PSMC2: variants seen among roughly 807,000 people sequenced by gnomAD.
PSMC2 encodes 26S proteasome regulatory subunit 7.
A neutral mutation model predicts 53.3 loss-of-function variants in PSMC2; 7 were observed. The observed-to-expected ratio is 0.13, with a 90% CI of 0.07 to 0.25. PSMC2 has a LOEUF of 0.25. Ranked by LOEUF, PSMC2 falls within the 10% of genes least tolerant of loss-of-function variation. PSMC2 has a pLI of 1.00. For synonymous variants in PSMC2, 169 were observed against 183.9 expected (o/e 0.92, Z 0.66); for missense variants, 241 against 544.0 (o/e 0.44, Z 5.54).
chr7:103,357,830 G>C (rs1820128206), intron 4 of PSMC2, among the ~76,000 whole-genome samples: 1 of 152,040 alleles, frequency 6.6e-6, no homozygotes, highest in African/African-American at 2.4e-5. Flanking sequence ...ACTTTCTCTT[G>C]ATTGTCTAAA....
In PSMC2 at chr7:103,369,020, TAATG is replaced by T. The variant is rs1820874398; in HGVS notation, c.*970_*973del. 1 of 152,126 alleles carries T rather than the reference TAATG, an allele frequency of 6.6e-6. No individual in the cohort carries two copies. The highest frequency in any genetic ancestry group is 2.4e-5 in the African/African-American group (1 of 41,432). The allele number at this position is 152,126 out of a possible 1,614,324, so 9.4% of individuals were successfully genotyped here. ...CCCCAATGCCAAGACCAAAGCACAA[TAATG>T]AATATTTTTATTGAAGTTCGATATT... On this transcript the variant is annotated 3_prime_UTR_variant, in exon 12 of 12. Transcript: ENST00000292644.
chr7:103,354,739 C>G, intron 2 of PSMC2, 129 bp from the exon 3 acceptor site: 2 of 600,988 alleles, frequency 3.3e-6, no homozygotes, highest in East Asian at 2.9e-5. Flanking sequence ...GTCAGGAATA[C>G]CTCTCTACTT....
At chr7:103,363,074 G>A (rs1359334763) in intron 6 of PSMC2, among the ~76,000 whole-genome samples, 2 of 152,138 alleles carry the variant, frequency 1.3e-5, no homozygotes, top group African/African-American at 4.8e-5. Context: ...GATTCCAGGC[G>A]TGAGCCACTG....
chr7:103,367,859 C>G lies in PSMC2; in HGVS notation c.1145-38C>G. On this transcript the variant is annotated intron_variant, in intron 11 of 11. Transcript: ENST00000292644. This position sits in a 1 kb window ranked among gnomAD's most constrained non-coding sequence, Gnocchi z 6.1. ...TTTGCTGGTCTGTCTGCTCAGGCTG[C>G]TTTAATTAAGCCCGTTTATTTTCTT... The G allele has an allele frequency of 6.2e-7, 1 of 1,612,384 alleles. No homozygotes were observed.
chr7:103,358,818 A>T (rs1286557524), intron 4 of PSMC2, among the ~76,000 whole-genome samples: 6 of 152,152 alleles, frequency 3.9e-5, no homozygotes, highest in Non-Finnish European at 8.8e-5. Context: ...CTTTTCATAT[A>T]GATTTTTCAT....
chr7:103,358,921 T>C (rs1163476244), intron 4 of PSMC2, among the ~76,000 whole-genome samples: 1 of 151,966 alleles, frequency 6.6e-6, no homozygotes, highest in Non-Finnish European at 1.5e-5. Context: ...CCATTGATTT[T>C]AGTCTCATAC....
chr7:103,362,686 C>A lies in PSMC2; in HGVS notation c.423C>A (p.Gly141=). The A allele has an allele frequency of 6.3e-7, 1 of 1,599,704 alleles. No individual in the cohort carries two copies. The highest frequency in any genetic ancestry group is 8.6e-7 in the Non-Finnish European group (1 of 1,167,394). The change falls in exon 6 of 12, where the codon GGC becomes GGA. Residue 141 remains glycine, a splice_region_variant and synonymous_variant. Transcript: ENST00000292644. ...PTDIEEGMRV[G]VDRNKYQIHI... is the part of the protein sequence containing the mutation. Reference sequence around the variant, plus strand: ...ATGACTATCTTTTTTACTTCCTTAGCGTGGATAGAAATAAATATCAAATTC... The same window carrying A: ...ATGACTATCTTTTTTACTTCCTTAGAGTGGATAGAAATAAATATCAAATTC...
Position 103,367,678 on chromosome 7 carries a change from T to C in PSMC2, c.1048-35T>C. 2 of 1,608,538 alleles carry C rather than the reference T, an allele frequency of 1.2e-6. No individual in the cohort carries two copies. Among genetic ancestry groups the C allele is most frequent in the Non-Finnish European group, 1.7e-6 (2 of 1,177,366 alleles). On this transcript the variant is annotated intron_variant, in intron 10 of 11. Coordinates refer to ENST00000292644, the MANE Select transcript of PSMC2 (RefSeq NM_002803.4). This position sits in a 1 kb window ranked among gnomAD's most constrained non-coding sequence, Gnocchi z 6.1. ...AAGTTTTTTCTTCCTGTGATTTTTTTCCATTTTAATATTTGTCAATTTTCT... is the reference window on the plus strand; with the variant it reads ...AAGTTTTTTCTTCCTGTGATTTTTTCCCATTTTAATATTTGTCAATTTTCT...
At chr7:103,357,487 G>C (rs535993061) in intron 4 of PSMC2, among the ~76,000 whole-genome samples, 1 of 152,010 alleles carries the variant, frequency 6.6e-6, no homozygotes, top group Non-Finnish European at 1.5e-5. Flanking sequence ...GTGTATTATA[G>C]ATTCCTACTT....
intron 1 of PSMC2, chr7:103,348,466 C>G: frequency 1.9e-6 from 1 of 519,486 alleles, no homozygotes; most frequent in Non-Finnish European, 3.5e-6. Flanking sequence ...TAGTCACTTC[C>G]TCTGCATCTG....
rs1250711525 is a variant in PSMC2 at position 103,367,840 on chromosome 7, G to T, written c.1144+31G>T. On this transcript the variant is annotated intron_variant, in intron 11 of 11. Transcript: ENST00000292644. The surrounding 1 kb of genome is among the most constrained non-coding windows in gnomAD (Gnocchi z 6.1). ...TAGAAAGTTCTTGCTTATATTTGCT[G>T]GTCTGTCTGCTCAGGCTGCTTTAAT... is the stretch of plus-strand genomic sequence containing the variant. 6.2e-7 allele frequency: 1 copy of T among 1,612,104 alleles called. No homozygotes were observed. Among genetic ancestry groups the T allele is most frequent in the Non-Finnish European group, 8.5e-7 (1 of 1,179,206 alleles).
At position 103,367,507 on chromosome 7, in the gene PSMC2, C is replaced by T. The variant is rs779040440; in HGVS notation, c.939C>T (p.Gly313=). 2 of 1,613,952 alleles carry T rather than the reference C, an allele frequency of 1.2e-6. No homozygotes were observed. The highest frequency in any genetic ancestry group is 1.7e-6 in the Non-Finnish European group (2 of 1,179,988). Residue 313 remains glycine (G), a synonymous_variant, in exon 10 of 12, where the codon GGC becomes GGT. Transcript: ENST00000292644. The surrounding 1 kb of genome is among the most constrained non-coding windows in gnomAD (Gnocchi z 6.1). ...AGCTTGATGGTTTTGATCCTAGAGG[C>T]AATATTAAAGTGCTGATGGCCACTA... is the stretch of plus-strand genomic sequence containing the variant. The part of the protein sequence containing the change: ...INQLDGFDPR[G]NIKVLMATNR...
intron 5 of PSMC2, 87 bp downstream of exon 5, chr7:103,362,175 G>A (rs1393216368): frequency 1.3e-6 from 2 of 1,569,308 alleles, no homozygotes; most frequent in African/African-American, 2.8e-5. Flanking sequence ...TGAATAAATG[G>A]ACTGAGTTCC....
Position 103,366,230 on chromosome 7 carries a change from G to A in PSMC2, c.844+67G>A, listed in dbSNP as rs117199108. The A allele has an allele frequency of 7.4e-4, 1,012 of 1,360,644 alleles. 21 individuals are homozygous for A. In the East Asian group the frequency reaches 0.022, roughly 30 times the overall value. The allele number at this position is 1,360,644 out of a possible 1,614,324, so 84.3% of individuals were successfully genotyped here. ...CATGAAAGCTGTAAAGTGATATGTCGTGATATGTTAATCTTGTACAGAATT... is the reference window on the plus strand; with the variant it reads ...CATGAAAGCTGTAAAGTGATATGTCATGATATGTTAATCTTGTACAGAATT... On this transcript the variant is annotated intron_variant, in intron 9 of 11. Transcript: ENST00000292644.
At chr7:103,347,593 T>G, upstream of PSMC2, 1 of 1,173,504 alleles carries the variant, frequency 8.5e-7, no homozygotes, top group Non-Finnish European at 1.3e-6. Flanking sequence ...AAGCACTGCA[T>G]AAAGGGGTCT....
chr7:103,350,361 T>G (rs77730025), intron 1 of PSMC2, among the ~76,000 whole-genome samples: 2,780 of 152,326 alleles, frequency 0.018, 81 homozygotes, highest in African/African-American at 0.064. Flanking sequence ...TAGAAATAAT[T>G]GTATTTACTT....
chr7:103,355,576 A>G (rs1819986769), intron 3 of PSMC2, 118 bp from the exon 4 acceptor site: 2 of 735,996 alleles, frequency 2.7e-6, no homozygotes, highest in South Asian at 1.7e-5. Context: ...TATAATGCAC[A>G]TGATAGTCCT....
chr7:103,367,872 C>G lies in PSMC2; in HGVS notation c.1145-25C>G. 6.2e-7 allele frequency: 1 copy of G among 1,611,350 alleles called. No individual in the cohort carries two copies. The highest frequency in any genetic ancestry group is 8.5e-7 in the Non-Finnish European group (1 of 1,178,928). On this transcript the variant is annotated intron_variant, in intron 11 of 11. Transcript: ENST00000292644. The surrounding 1 kb of genome is among the most constrained non-coding windows in gnomAD (Gnocchi z 6.1). ...CTGCTCAGGCTGCTTTAATTAAGCC[C>G]GTTTATTTTCTTTTTGTTTGAAAGG...
Position 103,367,393 on chromosome 7 carries a change from C to G in PSMC2, c.845-20C>G. 1 of 1,612,052 alleles carries G rather than the reference C, an allele frequency of 6.2e-7. No homozygotes were observed. Among genetic ancestry groups the G allele is most frequent in the East Asian group, 2.2e-5 (1 of 44,862 alleles). On this transcript the variant is annotated intron_variant, in intron 9 of 11. Transcript: ENST00000292644. The surrounding 1 kb of genome is among the most constrained non-coding windows in gnomAD (Gnocchi z 6.1). ...TCTTGAGTGGACTTGAAGAGCTTAT[C>G]TTTCCTTTTGTCTTCTCAGGGGCTC...
Sources: allele counts gnomAD v4.1 joint callset (sites outside exome capture counted in the v4.1 genomes callset), GRCh38; gene constraint gnomAD v4.1.1; non-coding constraint Gnocchi (gnomAD v3.1); transcripts MANE v1.5; gene names NCBI Gene and HGNC (gene_info 2026-07-23, HGNC 2026-07-21).